The following GRM7 variants were observed in gnomAD, a reference collection of about 807,000 sequenced individuals.
GRM7 encodes the protein glutamate metabotropic receptor 7.
Under a neutral mutation model 84.5 loss-of-function variants are expected in GRM7, and 35 were observed. That is an observed-to-expected ratio of 0.41 (90% CI 0.32 to 0.55). GRM7 has a LOEUF of 0.55. Among genes scored for constraint, GRM7 ranks in the 20% least tolerant of loss-of-function variants. The probability of loss-of-function intolerance (pLI) is 0.19; values close to 1 mark genes in which losing one functional copy is unlikely to be tolerated. For missense variants in GRM7, 1,003 were observed against 1,194.6 expected (o/e 0.84, Z 2.36); for synonymous variants, 487 against 455.1 (o/e 1.07, Z -0.89).
chr3:7,344,963 G>A (rs191370632), intron 4 of GRM7, among the ~76,000 whole-genome samples: 1 of 152,200 alleles, frequency 6.6e-6, no homozygotes, highest in East Asian at 1.9e-4. Flanking sequence ...TGAGGTGATA[G>A]ATATGCTAAT....
chr3:7,322,582 A>G (rs1230353626), intron 4 of GRM7, among the ~76,000 whole-genome samples: 2 of 151,510 alleles, frequency 1.3e-5, no homozygotes, highest in African/African-American at 4.8e-5. Flanking sequence ...CCAGTCCCCA[A>G]AGTCCATTAA....
In GRM7 at chr3:7,629,968, T is replaced by A. The variant is rs9311994; in HGVS notation, c.2452-50081T>A. Among the ~76,000 whole-genome samples, 8 of 152,174 alleles carry A rather than the reference T, an allele frequency of 5.3e-5. No individual in the cohort carries two copies. In the East Asian group the frequency reaches 9.7e-4, roughly 18 times the overall value. On this transcript the variant is annotated intron_variant, in intron 8 of 9. Transcript: ENST00000357716. ...GCTTTCATATTTTGTAACACATACC[T>A]CTTTGGCTTTGGAGTAGTTTAATAT...
rs568795245 is a variant in GRM7, at chr3:6,967,937, A to G, written c.519+106030A>G. On this transcript the variant is annotated intron_variant, in intron 1 of 9. Transcript: ENST00000357716. Reference sequence around the variant, plus strand: ...ATCTGGGCATTGGTATTTGTTAAAAACAAAAACAAACAAGTTATTGAAATC... The same window carrying G: ...ATCTGGGCATTGGTATTTGTTAAAAGCAAAAACAAACAAGTTATTGAAATC... 4.6e-5 allele frequency among the ~76,000 whole-genome samples: 7 copies of G among 152,314 alleles called. No homozygotes were observed. In the East Asian group the frequency reaches 1.2e-3, roughly 25 times the overall value.
Position 7,579,496 on chromosome 3 carries a change from G to A in GRM7, c.2451+139G>A, listed in dbSNP as rs1309173901. ...TCCAAGAGTAGAGAACTAATTCAAG[G>A]TCTAGTAGGCTTCAATGCTACAAGA... On this transcript the variant is annotated intron_variant, in intron 8 of 9. Coordinates refer to ENST00000357716, the MANE Select transcript of GRM7 (RefSeq NM_000844.4). 6 of 586,478 alleles carry A rather than the reference G, an allele frequency of 1.0e-5. No homozygotes were observed. In the East Asian group the frequency reaches 1.7e-4, roughly 17 times the overall value. The allele number at this position is 586,478 out of a possible 1,614,324, so 36.3% of individuals were successfully genotyped here. A position where few individuals can be genotyped will look rare whatever the true frequency, so the allele number is the denominator to read the frequency against.
intron 1 of GRM7, among the ~76,000 whole-genome samples, chr3:7,026,325 A>G (rs1344143027): frequency 6.6e-6 from 1 of 152,194 alleles, no homozygotes; most frequent in Non-Finnish European, 1.5e-5. Flanking sequence ...TATGCTGTTT[A>G]AAAGAAATAC....
intron 1 of GRM7, among the ~76,000 whole-genome samples, chr3:6,964,603 C>T (rs1232572381): frequency 1.3e-5 from 2 of 152,146 alleles, no homozygotes; most frequent in Non-Finnish European, 2.9e-5. Flanking sequence ...CTTTACACTT[C>T]CCCCAGAAAT....
rs142581248 is a variant in GRM7, at chr3:7,474,307, A to G, written c.1515+12585A>G. ...TAGTCTGAAAGAATTCATTTTTCTC[A>G]TTACCGTAGCTGGAATCCCCTACCC... On this transcript the variant is annotated intron_variant, in intron 7 of 9. Coordinates refer to ENST00000357716, the MANE Select transcript of GRM7 (RefSeq NM_000844.4). 5.3e-5 allele frequency among the ~76,000 whole-genome samples: 8 copies of G among 152,166 alleles called. No homozygotes were observed. The East Asian group carries it at 1.5e-3, about 29-fold the overall frequency.
chr3:6,895,134 A>C (rs1000207408), intron 1 of GRM7, among the ~76,000 whole-genome samples: 1 of 152,204 alleles, frequency 6.6e-6, no homozygotes, highest in Non-Finnish European at 1.5e-5. Flanking sequence ...TATCCACAGC[A>C]GGAGACAGGA....
In GRM7 at chr3:6,862,880, G is replaced by A. The variant is rs1160403177; in HGVS notation, c.519+973G>A. The A allele has an allele frequency of 2.5e-6, 1 of 407,144 alleles. No individual in the cohort carries two copies. Among genetic ancestry groups the A allele is most frequent in the African/African-American group, 2.1e-5 (1 of 48,258 alleles). 25.2% of individuals were successfully genotyped at this position (407,144 alleles called of 1,614,324 possible). On this transcript the variant is annotated intron_variant, in intron 1 of 9. Transcript: ENST00000357716. The surrounding 1 kb of genome is among the most constrained non-coding windows in gnomAD (Gnocchi z 5.2). ...GTGGTCCTCCTGCTCCGGTGCCGGAGGGAGACGGAGAAAAAATGGGAGGAA... is the reference window on the plus strand; with the variant it reads ...GTGGTCCTCCTGCTCCGGTGCCGGAAGGAGACGGAGAAAAAATGGGAGGAA...
Position 6,928,170 on chromosome 3 carries a change from C to T in GRM7, c.519+66263C>T, listed in dbSNP as rs771294216. The stretch of plus-strand genomic sequence containing the variant: ...TTGATCCTGTTGCCTCTTCCAAGCA[C>T]GTTGCTTGGTTTGCATTAACTGGGC... On this transcript the variant is annotated intron_variant, in intron 1 of 9. Transcript: ENST00000357716. This position sits in a 1 kb window ranked among gnomAD's most constrained non-coding sequence, Gnocchi z 4.5. Among the ~76,000 whole-genome samples, 6 of 151,634 alleles carry T rather than the reference C, an allele frequency of 4.0e-5. No individual in the cohort carries two copies. The highest frequency in any genetic ancestry group is 8.8e-5 in the Non-Finnish European group (6 of 67,970).
chr3:7,589,314 T>C (rs1466093929), intron 8 of GRM7, among the ~76,000 whole-genome samples: 3 of 152,232 alleles, frequency 2.0e-5, no homozygotes, highest in Non-Finnish European at 4.4e-5. Context: ...CATAGATGTT[T>C]CTACTGCCAT....
intron 9 of GRM7, among the ~76,000 whole-genome samples, chr3:7,719,779 AACAC>A (rs71043692): frequency 0.075 from 9,961 of 133,370 alleles, 454 homozygotes; most frequent in South Asian, 0.13. Context: ...ACCACTGGGC[AACAC>A]ACACACACAC....
In GRM7 at chr3:7,578,778, T is replaced by G. The variant is rs371412407; in HGVS notation, c.1872T>G (p.Ser624=). ...ATGACACGCCCATTGTCCGGGCATC[T>G]GGGCGGGAACTCAGCTATGTTCTTT... ...RYNDTPIVRA[S]GRELSYVLLT... is the part of the protein sequence containing the mutation. The change falls in exon 8 of 10, where the codon TCT becomes TCG. Residue 624 remains serine (S), a synonymous_variant. Coordinates refer to ENST00000357716, the MANE Select transcript of GRM7 (RefSeq NM_000844.4). 1 of 1,614,034 alleles carries G rather than the reference T, an allele frequency of 6.2e-7. No homozygotes were observed. Among genetic ancestry groups the G allele is most frequent in the Non-Finnish European group, 8.5e-7 (1 of 1,180,022 alleles).
chr3:6,902,882 C>CACACACACA (rs60680312), intron 1 of GRM7, among the ~76,000 whole-genome samples: 2 of 150,274 alleles, frequency 1.3e-5, no homozygotes, highest in South Asian at 2.1e-4. Context: ...CACACACACA[C>CACACACACA]CCCTACTCTA....
chr3:7,563,213 T>C (rs1389361413), intron 7 of GRM7, among the ~76,000 whole-genome samples: 3 of 152,144 alleles, frequency 2.0e-5, no homozygotes, highest in Non-Finnish European at 4.4e-5. Flanking sequence ...TTTCTATTGT[T>C]CTTTTTTGTA....
At chr3:6,864,007 A>G (rs967757790) in intron 1 of GRM7, among the ~76,000 whole-genome samples, 1 of 152,046 alleles carries the variant, frequency 6.6e-6, no homozygotes, top group Non-Finnish European at 1.5e-5. Context: ...GCTAGTGGTG[A>G]AAAAAGGGGT....
At chr3:7,131,471 G>A (rs940388463) in intron 1 of GRM7, among the ~76,000 whole-genome samples, 1 of 151,918 alleles carries the variant, frequency 6.6e-6, no homozygotes, top group Non-Finnish European at 1.5e-5. Context: ...TAAATATCCT[G>A]TATATTTTAT....
chr3:7,722,967 G>A (rs114800344), intron 9 of GRM7, among the ~76,000 whole-genome samples: 3,560 of 152,218 alleles, frequency 0.023, 133 homozygotes, highest in African/African-American at 0.082. Flanking sequence ...TTGCTTTGGA[G>A]ACAGGAGGCT....
intron 8 of GRM7, among the ~76,000 whole-genome samples, chr3:7,631,569 T>G (rs1697861916): frequency 6.6e-6 from 1 of 152,194 alleles, no homozygotes; most frequent in African/African-American, 2.4e-5. Context: ...CATGAAGCTT[T>G]AAGTATAATG....
Sources: allele counts gnomAD v4.1 joint callset (sites outside exome capture counted in the v4.1 genomes callset), GRCh38; gene constraint gnomAD v4.1.1; non-coding constraint Gnocchi (gnomAD v3.1); transcripts MANE v1.5; gene names NCBI Gene and HGNC (gene_info 2026-07-23, HGNC 2026-07-21).